The following TRMT11 variants were observed in gnomAD, a reference collection of about 807,000 sequenced individuals.
The protein encoded by TRMT11 is tRNA (guanine(10)-N(2))-methyltransferase TRMT11.
TRMT11 carries 53 observed loss-of-function variants against 62.8 expected under a neutral mutation model. The ratio of observed to expected loss-of-function variants is 0.84; its 90% CI spans 0.68 to 1.06. The LOEUF (loss-of-function observed/expected upper bound fraction) is 1.06. TRMT11 is among the 50% of genes least tolerant of loss of function. TRMT11 has a pLI of 0.00. For missense variants in TRMT11, 556 were observed against 553.4 expected (o/e 1.00, Z -0.05); for synonymous variants, 188 against 190.3 (o/e 0.99, Z 0.10).
the TRMT11 span, among the ~76,000 whole-genome samples, chr6:126,251,089 G>A: frequency 2.0e-5 from 3 of 150,318 alleles, no homozygotes; most frequent in Admixed American, 2.0e-4. Context: ...GGAGTGCAGT[G>A]GCACAATCTA....
chr6:126,118,146 AAT>A (rs949651810), intron 21 of TRMT11, among the ~76,000 whole-genome samples: 1 of 152,104 alleles, frequency 6.6e-6, no homozygotes, highest in African/African-American at 2.4e-5. Flanking sequence ...CCCAATTAAA[AAT>A]AGAACCCTGA....
chr6:126,148,880 C>T (rs1371353976), intron 21 of TRMT11, among the ~76,000 whole-genome samples: 4 of 152,094 alleles, frequency 2.6e-5, no homozygotes, highest in Non-Finnish European at 5.9e-5. Context: ...TGTCATAAGA[C>T]TTGATTCAGT....
the TRMT11 span, among the ~76,000 whole-genome samples, chr6:126,225,980 C>T: frequency 2.0e-5 from 3 of 152,102 alleles, no homozygotes; most frequent in South Asian, 2.1e-4. Flanking sequence ...GCGTGAGTAC[C>T]GCGCCTGGCC....
chr6:126,043,274 A>T (rs1346779280), downstream of TRMT11, among the ~76,000 whole-genome samples: 1 of 140,268 alleles, frequency 7.1e-6, no homozygotes, highest in Admixed American at 7.6e-5. Context: ...TCATTGTTCA[A>T]TTCCCACCTA....
At chr6:126,242,815 TA>T in the TRMT11 span, among the ~76,000 whole-genome samples, 1 of 152,252 alleles carries the variant, frequency 6.6e-6, no homozygotes, top group Non-Finnish European at 1.5e-5. Context: ...ATGTTAGACC[TA>T]AAAACATAAA....
At chr6:126,132,676 A>G (rs1777798892) in intron 21 of TRMT11, among the ~76,000 whole-genome samples, 1 of 152,050 alleles carries the variant, frequency 6.6e-6, no homozygotes, top group African/African-American at 2.4e-5. Context: ...GTAGTAGATT[A>G]TATTCTCTCC....
the TRMT11 span, among the ~76,000 whole-genome samples, chr6:126,209,789 G>A: frequency 6.6e-6 from 1 of 152,022 alleles, no homozygotes; most frequent in Admixed American, 6.6e-5. Context: ...AAATACTTTG[G>A]TGTATTATAA....
chr6:126,177,673 T>C (rs543851536), intron 1 of TRMT11, among the ~76,000 whole-genome samples: 1 of 152,332 alleles, frequency 6.6e-6, no homozygotes, highest in South Asian at 2.1e-4. Flanking sequence ...ACCTCTATTC[T>C]GTGTTTGCTT....
At chr6:126,117,663 T>G (rs1275873744) in intron 21 of TRMT11, among the ~76,000 whole-genome samples, 1 of 152,104 alleles carries the variant, frequency 6.6e-6, no homozygotes, top group South Asian at 2.1e-4. Context: ...ATCCATCCAC[T>G]AACTTAAAGG....
chr6:126,050,506 C>G (rs61321912), intron 16 of TRMT11, among the ~76,000 whole-genome samples: 2,327 of 152,058 alleles, frequency 0.015, 46 homozygotes, highest in African/African-American at 0.048. Flanking sequence ...ATTACGAGAC[C>G]AGCGTGGGCA....
intron 21 of TRMT11, among the ~76,000 whole-genome samples, chr6:126,151,799 C>CTGTCTTT (rs1778044120): frequency 1.4e-5 from 1 of 71,302 alleles, no homozygotes; most frequent in South Asian, 5.1e-4. Context: ...CTTCCTTCCT[C>CTGTCTTT]TCTGTCTTTT....
intron 21 of TRMT11, among the ~76,000 whole-genome samples, chr6:126,126,986 A>G (rs1777726200): frequency 6.6e-6 from 1 of 152,102 alleles, no homozygotes; most frequent in African/African-American, 2.4e-5. Flanking sequence ...TTGCCCTTGT[A>G]TTTTGCCTAA....
the TRMT11 span, among the ~76,000 whole-genome samples, chr6:126,238,883 T>A: frequency 6.6e-6 from 1 of 152,204 alleles, no homozygotes; most frequent in African/African-American, 2.4e-5. Context: ...GCTTTATGAA[T>A]CTGGGTGCTC....
At chr6:125,997,426 A>G (rs985454747) in intron 3 of TRMT11, among the ~76,000 whole-genome samples, 3 of 152,282 alleles carry the variant, frequency 2.0e-5, no homozygotes, top group Non-Finnish European at 4.4e-5. Flanking sequence ...GGTGAAAAAT[A>G]TAACAAGTAC....
chr6:126,176,909 TCCTTCAACCCTTCATTCAC>T (rs952314287), upstream of TRMT11, among the ~76,000 whole-genome samples: 3 of 152,104 alleles, frequency 2.0e-5, no homozygotes, highest in Non-Finnish European at 4.4e-5. Context: ...AATGCGATGG[TCCTTCAACCCTTCATTCAC>T]TCATCCAGGT....
the TRMT11 span, among the ~76,000 whole-genome samples, chr6:126,235,421 C>G: frequency 6.6e-6 from 1 of 152,214 alleles, no homozygotes; most frequent in Non-Finnish European, 1.5e-5. Context: ...CACTGCAGCA[C>G]TATTCACAAT....
At chr6:126,005,077 G>A (rs1416940507) in intron 7 of TRMT11, among the ~76,000 whole-genome samples, 1 of 152,018 alleles carries the variant, frequency 6.6e-6, no homozygotes, top group Non-Finnish European at 1.5e-5. Flanking sequence ...CTATTCTCAT[G>A]TGAGTTTGGC....
chr6:126,032,019 A>G (rs1007092984), intron 12 of TRMT11, among the ~76,000 whole-genome samples: 5 of 152,068 alleles, frequency 3.3e-5, no homozygotes, highest in Non-Finnish European at 5.9e-5. Flanking sequence ...GACTAATTGG[A>G]TAATTGGGGT....
intron 17 of TRMT11, among the ~76,000 whole-genome samples, chr6:126,082,117 C>G (rs2128157950): frequency 6.6e-6 from 1 of 152,210 alleles, no homozygotes; most frequent in East Asian, 1.9e-4. Flanking sequence ...AATCTATCTT[C>G]AAGTGGCATT....
Sources: allele counts gnomAD v4.1 joint callset (sites outside exome capture counted in the v4.1 genomes callset), GRCh38; gene constraint gnomAD v4.1.1; transcripts MANE v1.5; gene names NCBI Gene and HGNC (gene_info 2026-07-23, HGNC 2026-07-21).